Variants in C10orf143 observed in about 807,000 individuals in gnomAD.
C10orf143 encodes uncharacterized protein C10orf143.
In C10orf143 at chr10:130,055,952, T is replaced by TAAAAAA. The variant is rs369284797; in HGVS notation, c.298-19988_298-19983dup. On this transcript the variant is annotated intron_variant and NMD_transcript_variant, in intron 3 of 5. Coordinates refer to the C10orf143 transcript ENST00000643056. The stretch of plus-strand genomic sequence containing the variant: ...CAGAGCAAGACTCCGTCTCCAAAAG[T>TAAAAAA]AAAAAAAAAAAAAAAAAAAAAAAAA... 4.7e-3 allele frequency among the ~76,000 whole-genome samples: 309 copies of TAAAAAA among 65,810 alleles called. 1 individual carries two copies. The highest frequency in any genetic ancestry group is 5.4e-3 in the Non-Finnish European group (200 of 37,318). The allele number at this position is 65,810 out of a possible 152,430, so 43.2% of individuals were successfully genotyped here. A position where few individuals can be genotyped will look rare whatever the true frequency, so the allele number is the denominator to read the frequency against.
chr10:130,103,829 A>G (rs1270887530), intron 1 of C10orf143, among the ~76,000 whole-genome samples: 1 of 151,684 alleles, frequency 6.6e-6, no homozygotes, highest in Admixed American at 6.6e-5. Context: ...ACAAAAAAAA[A>G]AGCTAGAAAG....
intron 1 of C10orf143, chr10:130,106,275 A>G: frequency 6.4e-7 from 1 of 1,567,906 alleles, no homozygotes; most frequent in Non-Finnish European, 8.8e-7. Flanking sequence ...AGAGAGAAAA[A>G]GCTTGCTATA....
At chr10:130,093,583 T>C (rs187886182) in intron 1 of C10orf143, among the ~76,000 whole-genome samples, 76 of 151,804 alleles carry the variant, frequency 5.0e-4, no homozygotes, top group Non-Finnish European at 3.2e-4. Context: ...CTGAAGGAGA[T>C]AGAGATACAA....
chr10:130,046,079 T>G (rs1590003115), intron 3 of C10orf143, among the ~76,000 whole-genome samples: 3 of 82,952 alleles, frequency 3.6e-5, no homozygotes, highest in Non-Finnish European at 4.8e-5. Context: ...GAACAGGGAG[T>G]GGCTCAGGGC....
rs143318702 is a variant in C10orf143 at position 130,079,726 on chromosome 10, G to C, written c.234+11C>G. ...ATGCTCACAAGTAGTTTGGTGGGAAGAGGAACATACCCCTGTACTTAGCCT... is the reference window on the plus strand; with the variant it reads ...ATGCTCACAAGTAGTTTGGTGGGAACAGGAACATACCCCTGTACTTAGCCT... On this transcript the variant is annotated intron_variant, in intron 2 of 3. Coordinates refer to ENST00000637128, the MANE Select transcript of C10orf143 (RefSeq NM_001355042.2). The C allele has an allele frequency of 1.5e-3, 612 of 398,688 alleles. 7 individuals carry two copies. The highest frequency in any genetic ancestry group is 0.011 in the African/African-American group (551 of 48,756). 24.7% of individuals were successfully genotyped at this position (398,688 alleles called of 1,614,324 possible).
chr10:130,087,546 A>G (rs1171742), intron 1 of C10orf143, among the ~76,000 whole-genome samples: 96,927 of 152,106 alleles, frequency 0.64, 31,145 homozygotes, highest in Admixed American at 0.72. Flanking sequence ...GCTGCCACAG[A>G]TCTCAGGAAG....
intron 1 of C10orf143, among the ~76,000 whole-genome samples, chr10:130,089,236 G>A (rs1300752412): frequency 2.0e-5 from 3 of 152,186 alleles, no homozygotes; most frequent in Admixed American, 6.5e-5. Context: ...TTTTAGGCTT[G>A]CAAGGTTTAC....
chr10:130,069,145 G>A (rs1365346549), intron 3 of C10orf143, among the ~76,000 whole-genome samples: 5 of 152,138 alleles, frequency 3.3e-5, no homozygotes, highest in African/African-American at 1.2e-4. Flanking sequence ...AACACAGAAA[G>A]GGAGAAGCGA....
chr10:130,109,961 GAAGAT>G (rs1372768128), intron 1 of C10orf143, among the ~76,000 whole-genome samples: 4 of 152,222 alleles, frequency 2.6e-5, no homozygotes, highest in South Asian at 2.1e-4. Flanking sequence ...AGCAGAGGTG[GAAGAT>G]AAAATACAGG....
chr10:130,047,376 A>G (rs909563161), intron 3 of C10orf143, among the ~76,000 whole-genome samples: 4 of 152,170 alleles, frequency 2.6e-5, no homozygotes, highest in Non-Finnish European at 4.4e-5. Flanking sequence ...GCTCTCTCTC[A>G]GCCCCAGCAT....
intron 1 of C10orf143, chr10:130,104,008 T>C (rs1680134992): frequency 1.3e-5 from 2 of 152,194 alleles, no homozygotes; most frequent in Admixed American, 6.5e-5. Context: ...CATGAATCTT[T>C]AGGCGTTCTA....
intron 1 of C10orf143, among the ~76,000 whole-genome samples, chr10:130,080,191 G>C (rs1861183956): frequency 6.6e-6 from 1 of 152,118 alleles, no homozygotes; most frequent in Admixed American, 6.5e-5. Context: ...ATGGTGACTG[G>C]TTTATTGATA....
At chr10:130,106,340 G>A (rs1590038480) in intron 1 of C10orf143, 2 of 1,599,962 alleles carry the variant, frequency 1.3e-6, no homozygotes, top group African/African-American at 1.3e-5. Flanking sequence ...ATTTAGCCTT[G>A]TTCAAAAAGA....
intron 1 of C10orf143, 89 bp downstream of exon 1, chr10:130,110,615 G>C (rs1861750236): frequency 2.5e-6 from 1 of 398,174 alleles, no homozygotes; most frequent in African/African-American, 2.1e-5. Flanking sequence ...TCACAGGCAG[G>C]GCCGCGCCGG....
intron 1 of C10orf143, chr10:130,104,454 G>C (rs1259772727): frequency 6.6e-6 from 1 of 152,218 alleles, no homozygotes; most frequent in Non-Finnish European, 1.5e-5. Flanking sequence ...GCAGAGTACA[G>C]AGCCTCTAGG....
intron 1 of C10orf143, among the ~76,000 whole-genome samples, chr10:130,098,978 C>T (rs533233539): frequency 6.6e-6 from 1 of 151,380 alleles, no homozygotes; most frequent in Non-Finnish European, 1.5e-5. Context: ...ATCTCAGCTA[C>T]TAGGGAGGCT....
At chr10:130,045,575 C>T (rs1372323028) in intron 3 of C10orf143, among the ~76,000 whole-genome samples, 3 of 152,230 alleles carry the variant, frequency 2.0e-5, no homozygotes, top group South Asian at 2.1e-4. Flanking sequence ...TGCCTCCAGA[C>T]CTTCGTTCCG....
At chr10:130,086,502 T>C (rs1861294105) in intron 1 of C10orf143, among the ~76,000 whole-genome samples, 1 of 152,214 alleles carries the variant, frequency 6.6e-6, no homozygotes, top group South Asian at 2.1e-4. Context: ...TTCACCTAAG[T>C]TGGATGACAG....
At chr10:130,072,891 T>C (rs2134756465) in intron 3 of C10orf143, among the ~76,000 whole-genome samples, 1 of 152,340 alleles carries the variant, frequency 6.6e-6, no homozygotes, top group East Asian at 1.9e-4. Flanking sequence ...AGGATATGCT[T>C]TTGGGACAAT....
Sources: allele counts gnomAD v4.1 joint callset (sites outside exome capture counted in the v4.1 genomes callset), GRCh38; gene constraint gnomAD v4.1.1; transcripts MANE v1.5; gene names NCBI Gene and HGNC (gene_info 2026-07-23, HGNC 2026-07-21).